The following CDKAL1 variants were observed in gnomAD, a reference collection of about 807,000 sequenced individuals.
The protein encoded by CDKAL1 is CDKAL1 threonylcarbamoyladenosine tRNA methylthiotransferase.
CDKAL1 carries 32 observed loss-of-function variants against 68.2 expected under a neutral mutation model. The observed-to-expected ratio is 0.47, with a 90% CI of 0.35 to 0.63. The LOEUF (loss-of-function observed/expected upper bound fraction) is 0.63. Ranked by LOEUF, CDKAL1 falls within the 30% of genes least tolerant of loss-of-function variation. The pLI is 0.00. For missense variants in CDKAL1, 606 were observed against 696.7 expected, an observed-to-expected ratio of 0.87 and a Z score of 1.47; for synonymous variants, 234 against 244.3, an observed-to-expected ratio of 0.96 and a Z score of 0.39.
Position 20,761,016 on chromosome 6 carries a change from A to G in CDKAL1, c.517+2373A>G, listed in dbSNP as rs1341574939. Among the ~76,000 whole-genome samples, 8 of 152,334 alleles carry G rather than the reference A, an allele frequency of 5.3e-5. No individual in the cohort carries two copies. In the East Asian group the frequency reaches 1.3e-3, roughly 26 times the overall value. On this transcript the variant is annotated intron_variant, in intron 7 of 15. Coordinates refer to ENST00000274695, the MANE Select transcript of CDKAL1 (RefSeq NM_017774.3). Reference sequence around the variant, plus strand: ...TATTTGCAAAATACACATATGATAAAGGGCTATTATCCAAAATATATGAAG... The same window carrying G: ...TATTTGCAAAATACACATATGATAAGGGGCTATTATCCAAAATATATGAAG...
chr6:20,839,728 C>T (rs1778100711), intron 8 of CDKAL1, among the ~76,000 whole-genome samples: 1 of 152,142 alleles, frequency 6.6e-6, no homozygotes, highest in Admixed American at 6.5e-5. Context: ...GCAAGATCTG[C>T]ATTATTGCTC....
chr6:21,170,466 A>G (rs1777336750), intron 13 of CDKAL1, among the ~76,000 whole-genome samples: 1 of 151,880 alleles, frequency 6.6e-6, no homozygotes, highest in Non-Finnish European at 1.5e-5. Flanking sequence ...AGTAGCTGGG[A>G]TTACAGGTGC....
intron 4 of CDKAL1, among the ~76,000 whole-genome samples, chr6:20,647,738 G>A (rs1188173586): frequency 6.6e-6 from 1 of 152,098 alleles, no homozygotes; most frequent in Non-Finnish European, 1.5e-5. Context: ...GAGTTGAGTA[G>A]GGAAGTGACA....
chr6:20,996,214 T>C (rs1170359706), intron 10 of CDKAL1, among the ~76,000 whole-genome samples: 1 of 152,228 alleles, frequency 6.6e-6, no homozygotes, highest in Non-Finnish European at 1.5e-5. Flanking sequence ...TGAAACTTTC[T>C]CCATATCAGC....
At chr6:20,902,862 A>G (rs1446631493) in intron 9 of CDKAL1, among the ~76,000 whole-genome samples, 1 of 152,124 alleles carries the variant, frequency 6.6e-6, no homozygotes, top group Non-Finnish European at 1.5e-5. Context: ...TGAAGAGTGC[A>G]TTGGGACAGA....
At chr6:20,992,514 C>T (rs2150801062) in intron 10 of CDKAL1, among the ~76,000 whole-genome samples, 1 of 152,200 alleles carries the variant, frequency 6.6e-6, no homozygotes, top group East Asian at 1.9e-4. Context: ...CTTAGTCAAG[C>T]TAATATAATT....
intron 4 of CDKAL1, among the ~76,000 whole-genome samples, chr6:20,622,671 T>G (rs1195452593): frequency 1.3e-5 from 2 of 152,074 alleles, no homozygotes; most frequent in Non-Finnish European, 2.9e-5. Context: ...GTTCAGTGAT[T>G]CTGTATTGTT....
At chr6:20,955,363 A>T (rs1764728260) in intron 9 of CDKAL1, 56 bp from the exon 10 acceptor site, 2 of 1,519,228 alleles carry the variant, frequency 1.3e-6, no homozygotes, top group African/African-American at 1.4e-5. Flanking sequence ...GAGCAGCTGT[A>T]TGATGAAGGA....
chr6:21,007,794 G>C (rs1264273320), intron 11 of CDKAL1, among the ~76,000 whole-genome samples: 1 of 152,160 alleles, frequency 6.6e-6, no homozygotes, highest in African/African-American at 2.4e-5. Flanking sequence ...AAGATGTTAA[G>C]TAATTTGCCC....
At chr6:20,889,841 G>A (rs567056675) in intron 9 of CDKAL1, among the ~76,000 whole-genome samples, 140 of 152,246 alleles carry the variant, frequency 9.2e-4, no homozygotes, top group African/African-American at 3.2e-3. Context: ...TTGGCAATGC[G>A]GGCTCTTTTT....
At chr6:20,694,035 G>GCTAA (rs1770989765) in intron 5 of CDKAL1, among the ~76,000 whole-genome samples, 1 of 140,370 alleles carries the variant, frequency 7.1e-6, no homozygotes, top group Admixed American at 7.2e-5. Context: ...AACACACCCG[G>GCTAA]CTAACTTTGT....
At chr6:21,020,388 G>GT (rs2150859271) in intron 11 of CDKAL1, among the ~76,000 whole-genome samples, 1 of 152,246 alleles carries the variant, frequency 6.6e-6, no homozygotes, top group African/African-American at 2.4e-5. Flanking sequence ...ACTTTTAGCT[G>GT]TTTTTGACAG....
intron 5 of CDKAL1, among the ~76,000 whole-genome samples, chr6:20,683,812 C>A (rs1418268326): frequency 6.6e-6 from 1 of 152,132 alleles, no homozygotes; most frequent in East Asian, 1.9e-4. Context: ...TGACATGTAT[C>A]CACCATTATT....
chr6:20,734,610 T>C (rs2150317610), intron 5 of CDKAL1, among the ~76,000 whole-genome samples: 1 of 152,370 alleles, frequency 6.6e-6, no homozygotes, highest in East Asian at 1.9e-4. Flanking sequence ...AAAACTTTGC[T>C]ACTTTATTTG....
At chr6:20,745,374 T>C (rs1773621485) in intron 6 of CDKAL1, among the ~76,000 whole-genome samples, 1 of 152,222 alleles carries the variant, frequency 6.6e-6, no homozygotes, top group South Asian at 2.1e-4. Context: ...GGGATCAGTA[T>C]TGAGGGCAAG....
chr6:20,702,334 G>T (rs1010061544), intron 5 of CDKAL1, among the ~76,000 whole-genome samples: 1 of 152,104 alleles, frequency 6.6e-6, no homozygotes. Context: ...TAGTCTTTCC[G>T]TCTATAGGCT....
intron 13 of CDKAL1, among the ~76,000 whole-genome samples, chr6:21,158,815 A>G (rs1044031109): frequency 2.6e-5 from 4 of 152,238 alleles, no homozygotes; most frequent in African/African-American, 9.6e-5. Context: ...TCTGACTAGA[A>G]TAAACATTCA....
chr6:21,164,486 C>T (rs1777059875), intron 13 of CDKAL1, among the ~76,000 whole-genome samples: 1 of 150,470 alleles, frequency 6.6e-6, no homozygotes, highest in Admixed American at 6.6e-5. Context: ...AACCATAACA[C>T]ACACAGACCG....
Position 21,232,003 on chromosome 6 carries a change from G to GTTTTGTTTTTTTT in CDKAL1, c.*968_*969insGTTTTTTTTTTTT, listed in dbSNP as rs1779993397. The GTTTTGTTTTTTTT allele has an allele frequency of 1.1e-4, 8 of 76,088 alleles. No homozygotes were observed. The highest frequency in any genetic ancestry group is 2.2e-4 in the Non-Finnish European group (7 of 31,906). The allele number at this position is 76,088 out of a possible 1,614,324, so 4.7% of individuals were successfully genotyped here. On this transcript the variant is annotated 3_prime_UTR_variant, in exon 16 of 16. Coordinates refer to ENST00000274695, the MANE Select transcript of CDKAL1 (RefSeq NM_017774.3). ...TTTGATCCATTGGGGTTTTTTTTTT[G>GTTTTGTTTTTTTT]TTTTTGTTTTTTTTTTTTTTTGAGT...
Sources: gnomAD v4.1 joint callset for allele counts (sites outside exome capture counted in the v4.1 genomes callset) on GRCh38, gnomAD v4.1.1 for gene constraint, MANE v1.5 for transcripts, NCBI Gene and HGNC (gene_info 2026-07-23, HGNC 2026-07-21) for gene names.